Variants in SEC11A observed in about 807,000 individuals in gnomAD.
The protein encoded by SEC11A is signal peptidase complex catalytic subunit SEC11A.
SEC11A carries 14 observed loss-of-function variants against 25.6 expected under a neutral mutation model. The ratio of observed to expected loss-of-function variants is 0.55; its 90% confidence interval spans 0.36 to 0.85. SEC11A has a LOEUF of 0.85. Among genes scored for constraint, SEC11A ranks in the 40% least tolerant of loss-of-function variants. The pLI, the probability that SEC11A is intolerant of heterozygous loss-of-function variation, is 0.01. For missense variants in SEC11A, 153 were observed against 222.9 expected (o/e 0.69, Z 2.00); for synonymous variants, 83 against 76.4 (o/e 1.09, Z -0.45).
At chr15:84,675,507 G>A (rs944768549) in intron 4 of SEC11A, among the ~76,000 whole-genome samples, 8 of 152,144 alleles carry the variant, frequency 5.3e-5, no homozygotes, top group African/African-American at 1.4e-4. Flanking sequence ...GAGAATATGC[G>A]ATGACCAGAA....
chr15:84,691,508 C>T, intron 2 of SEC11A, 27 bp downstream of exon 2: 2 of 1,291,402 alleles, frequency 1.5e-6, no homozygotes, highest in East Asian at 2.3e-5. Context: ...CCATGCAATT[C>T]CATGCCTTGA....
At chr15:84,711,497 C>T (rs896466867) in intron 1 of SEC11A, among the ~76,000 whole-genome samples, 2 of 151,724 alleles carry the variant, frequency 1.3e-5, no homozygotes, top group African/African-American at 4.8e-5. Flanking sequence ...TTGTTAAACA[C>T]AGTGCTGTTA....
intron 1 of SEC11A, among the ~76,000 whole-genome samples, chr15:84,707,435 C>G (rs1228944328): frequency 6.6e-6 from 1 of 152,084 alleles, no homozygotes; most frequent in Non-Finnish European, 1.5e-5. Flanking sequence ...CCACCCACCT[C>G]GGCCTCCCAA....
intron 2 of SEC11A, among the ~76,000 whole-genome samples, chr15:84,688,381 C>T (rs1310583584): frequency 1.3e-5 from 2 of 152,104 alleles, no homozygotes; most frequent in Non-Finnish European, 2.9e-5. Flanking sequence ...ATTTCCGAAG[C>T]CAGGAAAAGA....
chr15:84,694,535 T>C (rs567816651), intron 1 of SEC11A, among the ~76,000 whole-genome samples: 1 of 152,218 alleles, frequency 6.6e-6, no homozygotes, highest in East Asian at 1.9e-4. Flanking sequence ...AAAAAAGCAA[T>C]ATCCTAGCCA....
intron 4 of SEC11A, among the ~76,000 whole-genome samples, chr15:84,680,174 G>A (rs1209662935): frequency 9.9e-5 from 15 of 151,682 alleles, no homozygotes; most frequent in Admixed American, 8.5e-4. Context: ...GGTGGCGGGC[G>A]CCTGTAATCC....
At chr15:84,709,531 C>A (rs1033525765) in intron 1 of SEC11A, among the ~76,000 whole-genome samples, 2 of 152,004 alleles carry the variant, frequency 1.3e-5, no homozygotes, top group Non-Finnish European at 2.9e-5. Context: ...CGACCACCGT[C>A]TCCTGGGTTC....
At position 84,687,606 on chromosome 15, in the gene SEC11A, T is replaced by G; in HGVS notation, c.311+19A>C. ...AAACAAAAGCACTTAGAAACAAAGA[T>G]GCTATACTTTGCACATACTTTTCAT... On this transcript the variant is annotated intron_variant, in intron 3 of 5. Coordinates refer to ENST00000268220, the MANE Select transcript of SEC11A (RefSeq NM_014300.4). The G allele has an allele frequency of 6.5e-7, 1 of 1,549,598 alleles. No individual in the cohort carries two copies. The highest frequency in any genetic ancestry group is 8.6e-7 in the Non-Finnish European group (1 of 1,158,888).
intron 2 of SEC11A, among the ~76,000 whole-genome samples, chr15:84,690,408 C>T (rs927406759): frequency 6.6e-6 from 1 of 152,026 alleles, no homozygotes; most frequent in Non-Finnish European, 1.5e-5. Context: ...GTCTTGGGTA[C>T]GTCTTTATCA....
intron 4 of SEC11A, chr15:84,673,917 A>T (rs1357435848): frequency 6.6e-6 from 1 of 152,136 alleles, no homozygotes; most frequent in Non-Finnish European, 1.5e-5. Flanking sequence ...CAAAAAATAA[A>T]AATAAAAAAT....
At chr15:84,677,141 G>C (rs1897156443) in intron 4 of SEC11A, among the ~76,000 whole-genome samples, 1 of 152,008 alleles carries the variant, frequency 6.6e-6, no homozygotes, top group South Asian at 2.1e-4. Flanking sequence ...AGACTTGCCT[G>C]TGGAAAAGCT....
chr15:84,669,924 G>C lies in SEC11A; in HGVS notation c.*95C>G, dbSNP rs1567031195. 3.8e-6 allele frequency: 6 copies of C among 1,596,374 alleles called. No homozygotes were observed. The highest frequency in any genetic ancestry group is 5.1e-6 in the Non-Finnish European group (6 of 1,171,702). ...GTGCTACCCAGAAGCACCAACACGT[G>C]TGTTCTCCATTCCACCAATCACAGA... On this transcript the variant is annotated 3_prime_UTR_variant, in exon 6 of 6. Coordinates refer to ENST00000268220, the MANE Select transcript of SEC11A (RefSeq NM_014300.4).
intron 1 of SEC11A, among the ~76,000 whole-genome samples, chr15:84,703,987 A>C (rs1596082308): frequency 6.6e-6 from 1 of 152,134 alleles, no homozygotes; most frequent in Non-Finnish European, 1.5e-5. Flanking sequence ...TGCAGCAGCC[A>C]AGATAAAGGT....
intron 1 of SEC11A, among the ~76,000 whole-genome samples, chr15:84,693,708 G>T (rs948405711): frequency 6.6e-6 from 1 of 151,956 alleles, no homozygotes; most frequent in African/African-American, 2.4e-5. Flanking sequence ...CAATCCACCC[G>T]CCTTGACGTC....
rs1425989935 is a variant in SEC11A, at chr15:84,707,293, C to A, written c.51+8732G>T. Among the ~76,000 whole-genome samples the A allele has an allele frequency of 2.7e-4, 40 of 145,552 alleles. No individual in the cohort carries two copies. In the Admixed American group the frequency reaches 2.9e-3, roughly 11 times the overall value. On this transcript the variant is annotated intron_variant, in intron 1 of 5. Coordinates refer to ENST00000268220, the MANE Select transcript of SEC11A (RefSeq NM_014300.4). ...CTCTGCCTCCCAGGTTCAAGCAATT[C>A]TCCTGCCTCAGCCTCCCGAGTAGCT... is the stretch of plus-strand genomic sequence containing the variant.
chr15:84,705,014 T>C (rs1454083764), intron 1 of SEC11A, among the ~76,000 whole-genome samples: 2 of 150,980 alleles, frequency 1.3e-5, no homozygotes, highest in Non-Finnish European at 1.5e-5. Context: ...AGGCTCAAAC[T>C]TCTGGGCTCA....
chr15:84,697,244 A>T (rs1475096021), intron 1 of SEC11A, among the ~76,000 whole-genome samples: 1 of 152,172 alleles, frequency 6.6e-6, no homozygotes, highest in Admixed American at 6.6e-5. Context: ...CATGGGTAAC[A>T]GTGTGAGATC....
chr15:84,677,259 G>GT (rs1316766087), intron 4 of SEC11A, among the ~76,000 whole-genome samples: 1 of 151,906 alleles, frequency 6.6e-6, no homozygotes, highest in Non-Finnish European at 1.5e-5. Context: ...GTCAAGCTCA[G>GT]TAGAGGTACA....
chr15:84,680,867 A>G (rs1159106559), intron 3 of SEC11A, 35 bp from the exon 4 acceptor site: 1 of 1,564,254 alleles, frequency 6.4e-7, no homozygotes, highest in Middle Eastern at 1.7e-4. Flanking sequence ...GTCATCAAAT[A>G]CCTTCATGGC....
Sources: allele counts gnomAD v4.1 joint callset (sites outside exome capture counted in the v4.1 genomes callset), GRCh38; gene constraint gnomAD v4.1.1; transcripts MANE v1.5; gene names NCBI Gene and HGNC (gene_info 2026-07-23, HGNC 2026-07-21).